The following MICU2 variants were observed in gnomAD, a reference collection of about 807,000 sequenced individuals.
MICU2 encodes mitochondrial calcium uptake 2.
Under a neutral mutation model 60.4 loss-of-function variants are expected in MICU2, and 64 were observed. That is an observed-to-expected ratio of 1.06 (90% confidence interval 0.87 to 1.31). The LOEUF is 1.31. MICU2 is among the 50% of genes most tolerant of loss of function. The pLI, the probability that MICU2 is intolerant of heterozygous loss-of-function variation, is 0.00. For missense variants in MICU2, 569 were observed against 531.0 expected (o/e 1.07, Z -0.70); for synonymous variants, 201 against 175.0 (o/e 1.15, Z -1.17).
chr13:21,565,831 TCAAA>T lies in MICU2; in HGVS notation c.358+962_358+965del, dbSNP rs1225218832. Reference sequence around the variant, plus strand: ...CTGGGAGACAGAGCAAGACTCTGTTTCAAACAAACAAACAAAACCCTAAACATAT... The same window carrying T: ...CTGGGAGACAGAGCAAGACTCTGTTTCAAACAAACAAAACCCTAAACATAT... On this transcript the variant is annotated intron_variant, in intron 2 of 11. Coordinates refer to ENST00000382374, the MANE Select transcript of MICU2 (RefSeq NM_152726.3). Among the ~76,000 whole-genome samples the T allele has an allele frequency of 2.6e-5, 4 of 152,322 alleles. No individual in the cohort carries two copies. The South Asian group carries it at 6.2e-4, about 24-fold the overall frequency.
chr13:21,539,295 A>G lies in MICU2; in HGVS notation c.466+7T>C. 1 of 1,612,874 alleles carries G rather than the reference A, an allele frequency of 6.2e-7. No individual in the cohort carries two copies. The highest frequency in any genetic ancestry group is 8.5e-7 in the Non-Finnish European group (1 of 1,179,442). On this transcript the variant is annotated splice_region_variant and intron_variant, in intron 4 of 11. Transcript: ENST00000382374. ...TAACTAGAAATTTAACAACAAACCAAAATTACCTTTATCGCCAAGGTCTCT... is the reference window on the plus strand; with the variant it reads ...TAACTAGAAATTTAACAACAAACCAGAATTACCTTTATCGCCAAGGTCTCT...
intron 4 of MICU2, among the ~76,000 whole-genome samples, chr13:21,530,472 A>AG (rs1886965089): frequency 6.6e-6 from 1 of 151,386 alleles, no homozygotes; most frequent in African/African-American, 2.4e-5. Context: ...CTCCTTCAAA[A>AG]AAAAAAAATC....
At chr13:21,507,211 TAGA>T (rs1566140728) in intron 8 of MICU2, among the ~76,000 whole-genome samples, 1 of 152,184 alleles carries the variant, frequency 6.6e-6, no homozygotes, top group African/African-American at 2.4e-5. Flanking sequence ...CCATAATTTA[TAGA>T]AGAACTAATT....
At chr13:21,541,576 T>A (rs547423409) in intron 2 of MICU2, among the ~76,000 whole-genome samples, 4 of 152,326 alleles carry the variant, frequency 2.6e-5, no homozygotes, top group African/African-American at 9.6e-5. Context: ...TCCAGGTCCC[T>A]GTCTTTTGGA....
intron 2 of MICU2, among the ~76,000 whole-genome samples, chr13:21,556,100 A>AG (rs1390227712): frequency 6.6e-6 from 1 of 151,866 alleles, no homozygotes; most frequent in African/African-American, 2.4e-5. Flanking sequence ...GCCACTCTGG[A>AG]GTCTTTTGTT....
intron 4 of MICU2, among the ~76,000 whole-genome samples, chr13:21,524,271 A>G (rs186203994): frequency 6.6e-6 from 1 of 152,290 alleles, no homozygotes; most frequent in East Asian, 1.9e-4. Flanking sequence ...ATTAAATAAC[A>G]CAATGAAACT....
At chr13:21,496,934 C>T (rs976209414) in intron 9 of MICU2, among the ~76,000 whole-genome samples, 5 of 151,988 alleles carry the variant, frequency 3.3e-5, no homozygotes, top group Admixed American at 6.6e-5. Context: ...TGGTGGCAGG[C>T]GCCTGTAGTC....
intron 1 of MICU2, among the ~76,000 whole-genome samples, chr13:21,590,136 C>T (rs1190744524): frequency 6.6e-6 from 1 of 152,134 alleles, no homozygotes; most frequent in Non-Finnish European, 1.5e-5. Flanking sequence ...CCCCAAGACA[C>T]ATAATCAGAT....
intron 2 of MICU2, among the ~76,000 whole-genome samples, chr13:21,554,186 T>C (rs907948400): frequency 5.3e-5 from 8 of 152,126 alleles, no homozygotes; most frequent in South Asian, 2.1e-4. Context: ...GCGGACCTAA[T>C]AGACATCTAC....
At position 21,545,787 on chromosome 13, in the gene MICU2, T is replaced by C. The variant is rs186303815; in HGVS notation, c.359-6099A>G. On this transcript the variant is annotated intron_variant, in intron 2 of 11. Transcript: ENST00000382374. ...AAGAGATTTGTTAAAGGATACAAAA[T>C]TACCGCAAGACTGGAGGGCAAAGTT... Among the ~76,000 whole-genome samples, 321 of 152,190 alleles carry C rather than the reference T, an allele frequency of 2.1e-3. 1 individual carries two copies. The highest frequency in any genetic ancestry group is 7.5e-3 in the African/African-American group (311 of 41,522).
intron 7 of MICU2, 98 bp downstream of exon 7, chr13:21,514,255 C>T: frequency 2.0e-6 from 2 of 1,021,166 alleles, no homozygotes; most frequent in Non-Finnish European, 2.9e-6. Flanking sequence ...AATTAAATTG[C>T]TGATACCAAA....
At chr13:21,528,834 A>G (rs949779632) in intron 4 of MICU2, among the ~76,000 whole-genome samples, 1 of 152,224 alleles carries the variant, frequency 6.6e-6, no homozygotes, top group Non-Finnish European at 1.5e-5. Context: ...AGAAGTTAAA[A>G]ACAATTCCCA....
chr13:21,573,446 G>C (rs1888158937), intron 1 of MICU2, among the ~76,000 whole-genome samples: 2 of 152,056 alleles, frequency 1.3e-5, no homozygotes, highest in African/African-American at 4.8e-5. Context: ...CTAATTTTTT[G>C]TATTTTTAGT....
In MICU2 at chr13:21,539,502, T is replaced by G; in HGVS notation, c.391-125A>C. On this transcript the variant is annotated intron_variant, in intron 3 of 11. Coordinates refer to ENST00000382374, the MANE Select transcript of MICU2 (RefSeq NM_152726.3). ...ATTTTTAGTAGACACAGGGCTTCAC[T>G]GTGTTAGCCAGGATGGTGATCTCCT... is the stretch of plus-strand genomic sequence containing the variant. 3 of 1,285,898 alleles carry G rather than the reference T, an allele frequency of 2.3e-6. No homozygotes were observed. The Admixed American group carries it at 6.1e-5, about 26-fold the overall frequency. 79.7% of individuals were successfully genotyped at this position (1,285,898 alleles called of 1,614,324 possible).
At chr13:21,540,742 T>C (rs560654928) in intron 2 of MICU2, among the ~76,000 whole-genome samples, 2 of 152,270 alleles carry the variant, frequency 1.3e-5, no homozygotes, top group Non-Finnish European at 2.9e-5. Flanking sequence ...AACTATTATG[T>C]GCCAGCCAAA....
chr13:21,561,705 T>TA (rs1491378009), intron 2 of MICU2, among the ~76,000 whole-genome samples: 1 of 130,640 alleles, frequency 7.7e-6, no homozygotes, highest in Admixed American at 7.7e-5. Flanking sequence ...TTTTTTTTTT[T>TA]AGTCTCTTTT....
At chr13:21,524,951 ATCCT>A (rs952952532) in intron 4 of MICU2, among the ~76,000 whole-genome samples, 4 of 152,196 alleles carry the variant, frequency 2.6e-5, no homozygotes, top group Admixed American at 1.3e-4. Context: ...ATGTCAGCAT[ATCCT>A]TCCTTTTTAA....
chr13:21,531,074 A>T, intron 4 of MICU2: 1 of 1,014,230 alleles, frequency 9.9e-7, no homozygotes, highest in Non-Finnish European at 1.6e-6. Context: ...CTAATCTGTT[A>T]AGTCAATTAC....
chr13:21,505,374 T>C (rs1437706749), intron 8 of MICU2, among the ~76,000 whole-genome samples: 1 of 152,172 alleles, frequency 6.6e-6, no homozygotes, highest in African/African-American at 2.4e-5. Flanking sequence ...AGGAGCTGCC[T>C]GAGTAGCCCA....
Sources: allele counts gnomAD v4.1 joint callset (sites outside exome capture counted in the v4.1 genomes callset), GRCh38; gene constraint gnomAD v4.1.1; transcripts MANE v1.5; gene names NCBI Gene and HGNC (gene_info 2026-07-23, HGNC 2026-07-21).